The following EBF1 variants were observed in gnomAD, a reference collection of about 807,000 sequenced individuals.
EBF1 encodes the protein EBF transcription factor 1.
Under a neutral mutation model 68.4 loss-of-function variants are expected in EBF1, and 10 were observed. The observed-to-expected ratio is 0.15, with a 90% CI of 0.09 to 0.25. The LOEUF is 0.25. EBF1 is among the 10% of genes least tolerant of loss of function. The pLI, the probability that EBF1 is intolerant of heterozygous loss-of-function variation, is 1.00. For synonymous variants in EBF1, 298 were observed against 299.8 expected, an observed-to-expected ratio of 0.99 and a Z score of 0.06; for missense variants, 509 against 794.4, an observed-to-expected ratio of 0.64 and a Z score of 4.32.
chr5:159,026,292 T>A (rs1256769863), intron 6 of EBF1, among the ~76,000 whole-genome samples: 5 of 152,106 alleles, frequency 3.3e-5, no homozygotes, highest in East Asian at 1.9e-4. Context: ...TTTTTTTTTT[T>A]AATATAAGTT....
chr5:158,707,047 T>A (rs1758012504), intron 15 of EBF1, among the ~76,000 whole-genome samples: 1 of 152,240 alleles, frequency 6.6e-6, no homozygotes, highest in South Asian at 2.1e-4. Context: ...AGGAGATGAA[T>A]GTTTCAGTCT....
intron 5 of EBF1, among the ~76,000 whole-genome samples, chr5:159,078,751 G>A (rs1356809357): frequency 1.3e-5 from 2 of 152,302 alleles, no homozygotes; most frequent in African/African-American, 2.4e-5. Context: ...CCTACACTAC[G>A]GACCGAAATC....
intron 6 of EBF1, among the ~76,000 whole-genome samples, chr5:158,976,645 T>G (rs1026001800): frequency 3.3e-5 from 5 of 152,210 alleles, no homozygotes; most frequent in African/African-American, 1.2e-4. Flanking sequence ...GACAGCAATT[T>G]CTTTTATGTT....
intron 11 of EBF1, among the ~76,000 whole-genome samples, chr5:158,730,755 G>A (rs1269649603): frequency 6.6e-6 from 1 of 152,196 alleles, no homozygotes; most frequent in Non-Finnish European, 1.5e-5. Context: ...CGATTTACAT[G>A]CTATGTGACC....
chr5:159,043,377 T>C (rs73301964), intron 6 of EBF1, among the ~76,000 whole-genome samples: 1 of 152,202 alleles, frequency 6.6e-6, no homozygotes, highest in South Asian at 2.1e-4. Context: ...CCTCCTGCCC[T>C]TTCCTTCATA....
chr5:159,068,536 C>T (rs903724546), intron 6 of EBF1, among the ~76,000 whole-genome samples: 4 of 152,084 alleles, frequency 2.6e-5, no homozygotes, highest in African/African-American at 7.2e-5. Context: ...GGTGATAAGG[C>T]AACACTGCAC....
intron 10 of EBF1, among the ~76,000 whole-genome samples, chr5:158,739,122 A>G (rs1352308994): frequency 1.3e-5 from 2 of 152,232 alleles, no homozygotes; most frequent in African/African-American, 4.8e-5. Context: ...ATTTGACTTT[A>G]GAGAGAAAGA....
intron 9 of EBF1, among the ~76,000 whole-genome samples, chr5:158,788,936 G>A (rs1371600773): frequency 6.6e-6 from 1 of 151,654 alleles, no homozygotes; most frequent in Non-Finnish European, 1.5e-5. Context: ...GGAATAAAGT[G>A]AGCATGGCTG....
At chr5:159,095,178 T>C (rs577923259) in intron 4 of EBF1, among the ~76,000 whole-genome samples, 2 of 152,288 alleles carry the variant, frequency 1.3e-5, no homozygotes, top group South Asian at 2.1e-4. Context: ...CATCTCATCA[T>C]TCCTGGGGAA....
At chr5:158,847,640 A>C (rs1791789999) in intron 6 of EBF1, among the ~76,000 whole-genome samples, 1 of 152,230 alleles carries the variant, frequency 6.6e-6, no homozygotes, top group Admixed American at 6.5e-5. Context: ...GTTTCTTGCC[A>C]AAACATATTA....
intron 10 of EBF1, among the ~76,000 whole-genome samples, chr5:158,740,307 C>G (rs944415451): frequency 6.6e-6 from 1 of 152,180 alleles, no homozygotes; most frequent in Non-Finnish European, 1.5e-5. Context: ...ACGCGGAGTT[C>G]TGGGCTGAAG....
intron 8 of EBF1, among the ~76,000 whole-genome samples, chr5:158,815,813 G>T (rs1291722015): frequency 6.6e-6 from 1 of 152,124 alleles, no homozygotes; most frequent in African/African-American, 2.4e-5. Flanking sequence ...CACTCACATC[G>T]TTGTGCATTA....
chr5:158,729,735 G>A (rs897837076), intron 11 of EBF1, among the ~76,000 whole-genome samples: 1 of 152,236 alleles, frequency 6.6e-6, no homozygotes, highest in African/African-American at 2.4e-5. Context: ...TGGAAGTGAG[G>A]TTGTTCTTGG....
chr5:158,788,196 G>A (rs190212063), intron 9 of EBF1, among the ~76,000 whole-genome samples: 53 of 152,176 alleles, frequency 3.5e-4, no homozygotes, highest in African/African-American at 1.2e-3. Flanking sequence ...AAGATGGAAA[G>A]GTATAAGGAA....
chr5:158,853,458 T>A (rs1793373917), intron 6 of EBF1, among the ~76,000 whole-genome samples: 1 of 152,152 alleles, frequency 6.6e-6, no homozygotes, highest in East Asian at 1.9e-4. Flanking sequence ...GCAGCTGGGG[T>A]TGCTGGAAAA....
At chr5:159,072,049 T>C (rs916563331) in intron 6 of EBF1, among the ~76,000 whole-genome samples, 1 of 152,246 alleles carries the variant, frequency 6.6e-6, no homozygotes, top group Non-Finnish European at 1.5e-5. Context: ...GAACAGTATA[T>C]CTGCTTTTGT....
intron 13 of EBF1, 72 bp from the exon 14 acceptor site, chr5:158,712,405 AG>A: frequency 6.4e-7 from 1 of 1,551,494 alleles, no homozygotes; most frequent in Non-Finnish European, 8.8e-7. Flanking sequence ...ACTCGGGGAA[AG>A]GAAGGTCTCT....
At chr5:158,718,018 T>C (rs1338061383) in intron 11 of EBF1, among the ~76,000 whole-genome samples, 2 of 152,124 alleles carry the variant, frequency 1.3e-5, no homozygotes, top group Non-Finnish European at 1.5e-5. Flanking sequence ...CAAGAAACAG[T>C]TCAAATGTAG....
chr5:158,917,549 G>A (rs1398077275), intron 6 of EBF1, among the ~76,000 whole-genome samples: 6 of 152,192 alleles, frequency 3.9e-5, no homozygotes. Context: ...ACACTTGTTA[G>A]TGGTTATGTA....
Sources: gnomAD v4.1 joint callset for allele counts (sites outside exome capture counted in the v4.1 genomes callset) on GRCh38, gnomAD v4.1.1 for gene constraint, MANE v1.5 for transcripts, NCBI Gene and HGNC (gene_info 2026-07-23, HGNC 2026-07-21) for gene names.